Variants in LPA observed in about 807,000 individuals in gnomAD.
The protein encoded by LPA is apolipoprotein(a).
In LPA, 199 loss-of-function variants were observed where a neutral mutation model predicts 197.9. That is an observed-to-expected ratio of 1.01 (90% CI 0.90 to 1.13). LPA has a LOEUF of 1.13. LPA is among the 50% of genes most tolerant of loss of function. LPA has a pLI of 0.00. For synonymous variants in LPA, 715 were observed against 639.5 expected (o/e 1.12, Z -1.78); for missense variants, 1,853 against 1,785.8 (o/e 1.04, Z -0.68).
intron 32 of LPA, among the ~76,000 whole-genome samples, chr6:160,547,240 A>G (rs1334716073): frequency 6.6e-6 from 1 of 152,182 alleles, no homozygotes; most frequent in Non-Finnish European, 1.5e-5. Flanking sequence ...TCTGGGGGTG[A>G]TGGAAGCATG....
At chr6:160,608,869 G>A (rs1398337541) in intron 16 of LPA, among the ~76,000 whole-genome samples, 1 of 151,756 alleles carries the variant, frequency 6.6e-6, no homozygotes, top group Non-Finnish European at 1.5e-5. Flanking sequence ...GCGTGGGTGT[G>A]TATGGGTGTG....
intron 30 of LPA, among the ~76,000 whole-genome samples, chr6:160,553,974 T>C (rs1778214068): frequency 2.8e-5 from 3 of 106,844 alleles, no homozygotes; most frequent in African/African-American, 1.0e-4. Context: ...CGCGTGTGCG[T>C]GTGTGTGTGT....
chr6:160,587,782 T>C (rs1373686911), intron 24 of LPA, among the ~76,000 whole-genome samples: 7 of 121,442 alleles, frequency 5.8e-5, no homozygotes, highest in Non-Finnish European at 8.5e-5. Flanking sequence ...TGTGTGTGTG[T>C]GTGTGTGTGT....
intron 1 of LPA, among the ~76,000 whole-genome samples, chr6:160,663,920 C>T (rs968665892): frequency 6.6e-6 from 1 of 152,226 alleles, no homozygotes; most frequent in South Asian, 2.1e-4. Flanking sequence ...ATCATGTAGG[C>T]ACACTCTTTT....
intron 21 of LPA, among the ~76,000 whole-genome samples, chr6:160,594,816 G>C (rs924255891): frequency 2.6e-5 from 4 of 152,202 alleles, no homozygotes; most frequent in Non-Finnish European, 5.9e-5. Flanking sequence ...GTGCAGGACT[G>C]GCTTAAGATG....
chr6:160,561,685 A>T (rs1778364969), intron 28 of LPA, among the ~76,000 whole-genome samples: 1 of 152,168 alleles, frequency 6.6e-6, no homozygotes, highest in African/African-American at 2.4e-5. Context: ...CACAATATTG[A>T]TTCTTCCAAT....
chr6:160,546,165 G>C (rs1778066826), intron 32 of LPA, among the ~76,000 whole-genome samples: 1 of 152,182 alleles, frequency 6.6e-6, no homozygotes. Flanking sequence ...AACCAACCAT[G>C]TGACTTGAGG....
chr6:160,584,319 TTTC>T lies in LPA; in HGVS notation c.4289+724_4289+726del, dbSNP rs199702752. The stretch of plus-strand genomic sequence containing the variant: ...CTCTTCTTCTTCTTCCTCTTCTTCT[TTTC>T]TTCTTCTTCTTCTTTTTTTTTTTTT... On this transcript the variant is annotated intron_variant, in intron 26 of 38. Transcript: ENST00000316300. 8.4e-4 allele frequency among the ~76,000 whole-genome samples: 121 copies of T among 144,110 alleles called. 3 individuals are homozygous for T. The East Asian group carries it at 0.013, about 15-fold the overall frequency. The allele number at this position is 144,110 out of a possible 152,430, so 94.5% of individuals were successfully genotyped here.
intron 26 of LPA, among the ~76,000 whole-genome samples, chr6:160,583,477 C>T (rs1464073664): frequency 6.6e-6 from 1 of 151,998 alleles, no homozygotes; most frequent in Non-Finnish European, 1.5e-5. Context: ...TGCTGAATGC[C>T]CAAGATGTTC....
In LPA at chr6:160,559,734, A is replaced by G. The variant is rs1450879316; in HGVS notation, c.4632-2163T>C. ...AGTTTATGTGAGTCCTTATGTCTTA[A>G]ATGAGTCTCCTGAAGGCAGCAGATG... On this transcript the variant is annotated intron_variant, in intron 28 of 38. Transcript: ENST00000316300. Among the ~76,000 whole-genome samples, 3 of 152,166 alleles carry G rather than the reference A, an allele frequency of 2.0e-5. No individual in the cohort carries two copies. In the East Asian group the frequency reaches 5.8e-4, roughly 29 times the overall value.
At chr6:160,661,544 C>T (rs941908280) in intron 1 of LPA, among the ~76,000 whole-genome samples, 1 of 152,200 alleles carries the variant, frequency 6.6e-6, no homozygotes, top group East Asian at 1.9e-4. Context: ...GAGGAGGATG[C>T]ACGCTCACTG....
rs758029376 is a variant in LPA at position 160,605,181 on chromosome 6, AC to A, written c.2809del (p.Val937CysfsTer31). The stretch of plus-strand genomic sequence containing the variant: ...TCCATTTCCGTGGTAGCACTCCTGC[AC>A]CCCAGGCCTTTGCTCAGTTGGTGCT... Reference protein sequence around the residue: ...EQAPTEQRPGVQECYHGNGQS... With the variant: ...EQAPTEQRPGXQECYHGNGQS... On this transcript the variant is annotated frameshift_variant, in exon 18 of 39. Transcript: ENST00000316300. LOFTEE classifies it high-confidence loss of function. 6.2e-7 allele frequency: 1 copy of A among 1,613,886 alleles called. No homozygotes were observed. The highest frequency in any genetic ancestry group is 1.1e-5 in the South Asian group (1 of 91,084).
rs771218902 is a variant in LPA at position 160,606,502 on chromosome 6, T to C, written c.2760A>G (p.Pro920=). 16 of 1,613,538 alleles carry C rather than the reference T, an allele frequency of 9.9e-6. No individual in the cohort carries two copies. The South Asian group carries it at 1.8e-4, about 18-fold the overall frequency. Residue 920 remains proline (P), a synonymous_variant, in exon 17 of 39, where the codon CCA becomes CCG. Coordinates refer to ENST00000316300, the MANE Select transcript of LPA (RefSeq NM_005577.4). ...AVAPPTITPI[P]SLEAPSEQAP... is the part of the protein sequence containing the mutation. ...CTTGTTCAGAAGGAGCCTCTAGGCT[T>C]GGAATCGGGGTAATAGTTGGAGGCG...
intron 26 of LPA, among the ~76,000 whole-genome samples, chr6:160,582,692 T>C (rs1022020188): frequency 6.6e-6 from 1 of 152,144 alleles, no homozygotes; most frequent in African/African-American, 2.4e-5. Context: ...TAAAATCCTA[T>C]ATCTGATCCA....
At chr6:160,585,291 T>C in intron 25 of LPA, 86 bp from the exon 26 acceptor site, 3 of 1,316,510 alleles carry the variant, frequency 2.3e-6, no homozygotes, top group Non-Finnish European at 3.3e-6. Flanking sequence ...TGGAATAATC[T>C]GAGGATTAAC....
chr6:160,591,584 A>G (rs754358849), intron 22 of LPA, among the ~76,000 whole-genome samples: 10 of 152,200 alleles, frequency 6.6e-5, no homozygotes, highest in South Asian at 2.1e-4. Context: ...ACATTCATGA[A>G]TTTATTCACA....
rs1583570485 is a variant in LPA, at chr6:160,547,800, G to A, written c.5293C>T (p.Leu1765=). 8.1e-6 allele frequency: 13 copies of A among 1,613,968 alleles called. No homozygotes were observed. The East Asian group carries it at 2.9e-4, about 36-fold the overall frequency. ...FIPGTNKWAG[L]EKNYCRNPDG... ...TCAAAGTGGCTTACATTTTTTTCCA[G>A]ACCTGCCCATTTATTTGTCCCTGGA... The change falls in exon 32 of 39, where the codon CTG becomes TTG. Residue 1765 remains leucine (L), a synonymous_variant. Coordinates refer to ENST00000316300, the MANE Select transcript of LPA (RefSeq NM_005577.4).
At chr6:160,658,874 TTATA>T (rs997153544) in intron 1 of LPA, among the ~76,000 whole-genome samples, 2 of 134,252 alleles carry the variant, frequency 1.5e-5, no homozygotes, top group African/African-American at 5.3e-5. Context: ...TAATAGGAGA[TTATA>T]TATATATATA....
At chr6:160,662,804 T>C (rs1458660722) in intron 1 of LPA, among the ~76,000 whole-genome samples, 10 of 152,242 alleles carry the variant, frequency 6.6e-5, no homozygotes, top group African/African-American at 2.2e-4. Context: ...TTTTATCTGG[T>C]AATTTATAGA....
Sources: gnomAD v4.1 joint callset for allele counts (sites outside exome capture counted in the v4.1 genomes callset) on GRCh38, gnomAD v4.1.1 for gene constraint, MANE v1.5 for transcripts, NCBI Gene and HGNC (gene_info 2026-07-23, HGNC 2026-07-21) for gene names.